The following GASK1A variants were observed in gnomAD, a reference collection of about 807,000 sequenced individuals.
GASK1A encodes the protein golgi associated kinase 1A.
In GASK1A, 40 loss-of-function variants were observed where a neutral mutation model predicts 41.2. The observed-to-expected ratio is 0.97, with a 90% CI of 0.75 to 1.27. The LOEUF is 1.27. Among genes scored for constraint, GASK1A ranks in the 50% most tolerant of loss-of-function variants. The pLI is 0.00. For synonymous variants in GASK1A, 316 were observed against 307.1 expected, an observed-to-expected ratio of 1.03 and a Z score of -0.30; for missense variants, 678 against 745.1, an observed-to-expected ratio of 0.91 and a Z score of 1.05.
At chr3:43,024,533 A>G (rs2089536934) in intron 1 of GASK1A, among the ~76,000 whole-genome samples, 1 of 152,158 alleles carries the variant, frequency 6.6e-6, no homozygotes, top group South Asian at 2.1e-4. Flanking sequence ...AACTCTGGGT[A>G]CATTTTAAAA....
intron 1 of GASK1A, among the ~76,000 whole-genome samples, chr3:43,003,558 T>A (rs1194154527): frequency 6.7e-6 from 1 of 148,488 alleles, no homozygotes; most frequent in Non-Finnish European, 1.5e-5. Flanking sequence ...CCTGCCAGAG[T>A]CATCTGGCAG....
intron 1 of GASK1A, among the ~76,000 whole-genome samples, chr3:43,016,256 GAC>G (rs1264122994): frequency 6.6e-6 from 1 of 151,526 alleles, no homozygotes; most frequent in East Asian, 2.0e-4. Flanking sequence ...GAAGTGTGAG[GAC>G]ACAGGAAGGG....
chr3:42,995,335 G>A (rs2089363614), intron 1 of GASK1A, among the ~76,000 whole-genome samples: 1 of 152,212 alleles, frequency 6.6e-6, no homozygotes, highest in Non-Finnish European at 1.5e-5. Context: ...ACTTCAGGGA[G>A]CATGTCATTG....
At chr3:43,041,958 A>G (rs1367217141) in intron 2 of GASK1A, among the ~76,000 whole-genome samples, 1 of 152,130 alleles carries the variant, frequency 6.6e-6, no homozygotes, top group East Asian at 1.9e-4. Flanking sequence ...CAGTGTGGGG[A>G]AGCATCTCTG....
At chr3:43,054,774 T>C (rs773638156) in intron 3 of GASK1A, among the ~76,000 whole-genome samples, 2 of 152,258 alleles carry the variant, frequency 1.3e-5, no homozygotes, top group Non-Finnish European at 2.9e-5. Context: ...ATTTTGGTTT[T>C]GAAAAGGTTT....
rs72869044 is a variant in GASK1A at position 42,998,511 on chromosome 3, A to G, written c.3+18866A>G. The stretch of plus-strand genomic sequence containing the variant: ...ATGTCCCTGCGACTTTTATAGAATT[A>G]TATACACATTAACTCATTAAACACT... On this transcript the variant is annotated intron_variant, in intron 1 of 4. Transcript: ENST00000430121. 9.3e-3 allele frequency among the ~76,000 whole-genome samples: 1,423 copies of G among 152,302 alleles called. 25 individuals are homozygous for G. The highest frequency in any genetic ancestry group is 0.031 in the East Asian group (160 of 5,190).
At chr3:42,985,610 G>T (rs2089305039) in intron 1 of GASK1A, among the ~76,000 whole-genome samples, 1 of 151,216 alleles carries the variant, frequency 6.6e-6, no homozygotes, top group Non-Finnish European at 1.5e-5. Flanking sequence ...GGAGCAGGTG[G>T]TAGGTGGTAG....
chr3:43,031,540 A>C (rs2089575764), intron 1 of GASK1A, among the ~76,000 whole-genome samples: 1 of 152,214 alleles, frequency 6.6e-6, no homozygotes, highest in Non-Finnish European at 1.5e-5. Flanking sequence ...CATAGAATAT[A>C]TTTAACTGAA....
chr3:42,980,837 A>T (rs772492290), intron 1 of GASK1A, among the ~76,000 whole-genome samples: 1 of 152,124 alleles, frequency 6.6e-6, no homozygotes, highest in Non-Finnish European at 1.5e-5. Context: ...AGGGGGAATG[A>T]TTGGGGGTAC....
intron 1 of GASK1A, among the ~76,000 whole-genome samples, chr3:42,989,111 C>CT (rs1448763903): frequency 6.6e-6 from 1 of 152,206 alleles, no homozygotes; most frequent in East Asian, 1.9e-4. Context: ...GCCGCAGTCC[C>CT]TTTCATTCTT....
chr3:43,029,775 C>G (rs932113913), intron 1 of GASK1A, among the ~76,000 whole-genome samples: 9 of 152,296 alleles, frequency 5.9e-5, no homozygotes, highest in African/African-American at 7.2e-5. Flanking sequence ...CTTTTTACAG[C>G]TGGGCTGTAA....
chr3:43,002,830 A>G (rs1024495926), intron 1 of GASK1A, among the ~76,000 whole-genome samples: 3 of 152,072 alleles, frequency 2.0e-5, no homozygotes, highest in Non-Finnish European at 4.4e-5. Context: ...TTGTATTTCT[A>G]TTGGTTGGCT....
intron 1 of GASK1A, among the ~76,000 whole-genome samples, chr3:43,007,101 G>T (rs935945801): frequency 1.3e-5 from 2 of 152,174 alleles, no homozygotes; most frequent in Non-Finnish European, 2.9e-5. Context: ...TGCTTTTAAT[G>T]GCTGCAGCAA....
intron 1 of GASK1A, among the ~76,000 whole-genome samples, chr3:43,001,481 G>C (rs987638789): frequency 1.3e-5 from 2 of 152,344 alleles, no homozygotes; most frequent in Admixed American, 6.5e-5. Flanking sequence ...TGCTCAGCAG[G>C]CTTATGCAGC....
chr3:43,011,400 A>AT (rs397937218), intron 1 of GASK1A, among the ~76,000 whole-genome samples: 12 of 147,646 alleles, frequency 8.1e-5, no homozygotes, highest in Admixed American at 2.7e-4. Context: ...AAAAAAAAAA[A>AT]TGGTTAGGAG....
Position 43,039,582 on chromosome 3 carries a change from G to A in GASK1A, c.1290+6029G>A, listed in dbSNP as rs2089625258. On this transcript the variant is annotated intron_variant, in intron 2 of 4. Coordinates refer to ENST00000430121, the MANE Select transcript of GASK1A (RefSeq NM_001129908.3). ...CAGGTTTGTTATACAGGTAAATTTT[G>A]TGTCATGGGTGTCTAGTGTACAGAT... Among the ~76,000 whole-genome samples the A allele has an allele frequency of 2.0e-5, 3 of 152,236 alleles. No homozygotes were observed. In the South Asian group the frequency reaches 6.2e-4, roughly 32 times the overall value.
chr3:43,000,228 G>C (rs967913609), intron 1 of GASK1A, among the ~76,000 whole-genome samples: 1 of 100,552 alleles, frequency 9.9e-6, no homozygotes, highest in Non-Finnish European at 2.4e-5. Context: ...GCGTGCTCCT[G>C]GGGCCGAGTG....
At chr3:43,055,037 C>T (rs1293510441) in intron 3 of GASK1A, among the ~76,000 whole-genome samples, 1 of 152,104 alleles carries the variant, frequency 6.6e-6, no homozygotes, top group African/African-American at 2.4e-5. Flanking sequence ...CTTCAGCCAC[C>T]AAAATAGGAT....
At chr3:43,007,233 T>C (rs2089440936) in intron 1 of GASK1A, among the ~76,000 whole-genome samples, 1 of 152,258 alleles carries the variant, frequency 6.6e-6, no homozygotes, top group Non-Finnish European at 1.5e-5. Context: ...TCTCACTTTT[T>C]AGCCATTGTG....
Sources: allele counts gnomAD v4.1 joint callset (sites outside exome capture counted in the v4.1 genomes callset), GRCh38; gene constraint gnomAD v4.1.1; transcripts MANE v1.5; gene names NCBI Gene and HGNC (gene_info 2026-07-23, HGNC 2026-07-21).